IST1: variants seen among roughly 807,000 people sequenced by gnomAD.
IST1 encodes IST1 homolog.
IST1 carries 23 observed loss-of-function variants against 37.0 expected under a neutral mutation model. The observed-to-expected ratio is 0.62, with a 90% CI of 0.45 to 0.88. IST1 has a LOEUF of 0.88. Ranked by LOEUF, IST1 falls within the 40% of genes least tolerant of loss-of-function variation. The pLI is 0.00. For synonymous variants in IST1, 180 were observed against 161.7 expected (o/e 1.11, Z -0.86); for missense variants, 488 against 445.4 (o/e 1.10, Z -0.86).
chr16:71,923,408 A>G, intron 8 of IST1, 28 bp downstream of exon 8: 1 of 1,405,998 alleles, frequency 7.1e-7, no homozygotes, highest in Non-Finnish European at 1.0e-6. Flanking sequence ...TTTTATAAGC[A>G]ACAGGAGAGT....
At chr16:71,912,245 A>AT (rs1044918777) in intron 1 of IST1, among the ~76,000 whole-genome samples, 31 of 150,250 alleles carry the variant, frequency 2.1e-4, no homozygotes, top group African/African-American at 5.9e-4. Context: ...CATTATAAAA[A>AT]TTTTTTTTTT....
At position 71,928,095 on chromosome 16, in the gene IST1, A is replaced by G. The variant is rs745491633; in HGVS notation, c.*282A>G. The G allele has an allele frequency of 1.0e-4, 43 of 412,346 alleles. No homozygotes were observed. Among genetic ancestry groups the G allele is most frequent in the Admixed American group, 2.2e-4 (6 of 27,576 alleles). 25.5% of individuals were successfully genotyped at this position (412,346 alleles called of 1,614,324 possible). ...CCCAGGTTTCCTCCTGGCCCGTCCC[A>G]TGGTCCCTCCACAGGAGTGTGAGAG... On this transcript the variant is annotated 3_prime_UTR_variant, in exon 10 of 10. Transcript: ENST00000378799.
chr16:71,929,325 T>C lies in IST1; in HGVS notation c.*1512T>C. The C allele has an allele frequency of 4.5e-6, 2 of 445,644 alleles. No individual in the cohort carries two copies. The highest frequency in any genetic ancestry group is 7.7e-6 in the Non-Finnish European group (2 of 258,298). The allele number at this position is 445,644 out of a possible 1,614,324, so 27.6% of individuals were successfully genotyped here. On this transcript the variant is annotated 3_prime_UTR_variant, in exon 10 of 10. Coordinates refer to ENST00000378799, the MANE Select transcript of IST1 (RefSeq NM_001270975.2). ...ATGGGTGGTGAGTTCTGTTACTTGCTGCTTGGCAGCAGAGCTAGTTTGTCT... is the reference window on the plus strand; with the variant it reads ...ATGGGTGGTGAGTTCTGTTACTTGCCGCTTGGCAGCAGAGCTAGTTTGTCT...
At chr16:71,899,510 C>T (rs1165861084) in intron 1 of IST1, among the ~76,000 whole-genome samples, 1 of 152,230 alleles carries the variant, frequency 6.6e-6, no homozygotes, top group Non-Finnish European at 1.5e-5. Context: ...TCTAACATCA[C>T]ATCTTCATAA....
intron 1 of IST1, among the ~76,000 whole-genome samples, chr16:71,913,300 A>AT (rs2037399027): frequency 6.6e-6 from 1 of 151,788 alleles, no homozygotes; most frequent in Admixed American, 6.6e-5. Context: ...GATAGTAGCC[A>AT]TCCTAATGGG....
At chr16:71,911,337 G>A (rs2037348996) in intron 1 of IST1, among the ~76,000 whole-genome samples, 2 of 132,120 alleles carry the variant, frequency 1.5e-5, no homozygotes, top group South Asian at 5.4e-4. Context: ...AAATGTTTTA[G>A]AATGCTACGT....
chr16:71,913,055 T>C (rs1243079877), intron 1 of IST1, among the ~76,000 whole-genome samples: 1 of 152,246 alleles, frequency 6.6e-6, no homozygotes, highest in Non-Finnish European at 1.5e-5. Context: ...ATAATGCTGC[T>C]GGGAACATAG....
Position 71,928,535 on chromosome 16 carries a change from TTC to T in IST1, c.*724_*725del, listed in dbSNP as rs2037808411. 6.6e-6 allele frequency: 1 copy of T among 152,626 alleles called. No homozygotes were observed. The highest frequency in any genetic ancestry group is 1.5e-5 in the Non-Finnish European group (1 of 68,062). 9.5% of individuals were successfully genotyped at this position (152,626 alleles called of 1,614,324 possible). A position where few individuals can be genotyped will look rare whatever the true frequency, so the allele number is the denominator to read the frequency against. On this transcript the variant is annotated 3_prime_UTR_variant, in exon 10 of 10. Coordinates refer to ENST00000378799, the MANE Select transcript of IST1 (RefSeq NM_001270975.2). ...GTACCAGAGGGCGGCACCGTGGAAA[TTC>T]TGTTTTCCCTGTAGCATATTGTGTT...
intron 2 of IST1, among the ~76,000 whole-genome samples, 181 bp from the exon 3 acceptor site, chr16:71,916,281 T>C (rs1416916949): frequency 1.3e-5 from 2 of 152,244 alleles, no homozygotes; most frequent in Non-Finnish European, 2.9e-5. Context: ...ACATGAGCTA[T>C]ATTTTCTCAC....
At chr16:71,921,729 C>A in intron 6 of IST1, 1 of 341,704 alleles carries the variant, frequency 2.9e-6, no homozygotes, top group Non-Finnish European at 5.5e-6. Flanking sequence ...GAGAAACCTC[C>A]TGTTCATAGC....
upstream of IST1, chr16:71,895,079 A>G: frequency 2.4e-6 from 1 of 411,536 alleles, no homozygotes; most frequent in Non-Finnish European, 4.4e-6. Context: ...AGGCTTCGAA[A>G]CCCCCTCGGC....
At chr16:71,912,422 G>T (rs893818430) in intron 1 of IST1, among the ~76,000 whole-genome samples, 1 of 151,970 alleles carries the variant, frequency 6.6e-6, no homozygotes, top group African/African-American at 2.4e-5. Context: ...TATTTTTAGT[G>T]GAGACGGGGT....
chr16:71,924,911 C>T (rs2037702034), intron 9 of IST1, 94 bp downstream of exon 9: 1 of 851,642 alleles, frequency 1.2e-6, no homozygotes, highest in Non-Finnish European at 2.0e-6. Flanking sequence ...GTTTCCATGT[C>T]CATGGACTTC....
At chr16:71,898,662 T>TAA (rs60932200) in intron 1 of IST1, among the ~76,000 whole-genome samples, 5 of 130,924 alleles carry the variant, frequency 3.8e-5, no homozygotes, top group Non-Finnish European at 6.5e-5. Flanking sequence ...GACTCTGTCT[T>TAA]AAAAAAAAAA....
intron 1 of IST1, among the ~76,000 whole-genome samples, chr16:71,910,119 C>A (rs2142550780): frequency 6.6e-6 from 1 of 152,222 alleles, no homozygotes; most frequent in African/African-American, 2.4e-5. Context: ...CTACTTTGGT[C>A]AAGTGTGGTC....
In IST1 at chr16:71,927,975, C is replaced by T. The variant is rs1294231891; in HGVS notation, c.*162C>T. ...TGCTCCTCCAGATTCTGCTGCTTTC[C>T]AGTTCTCTGTTGATCCTGAGACTAA... On this transcript the variant is annotated 3_prime_UTR_variant, in exon 10 of 10. Coordinates refer to ENST00000378799, the MANE Select transcript of IST1 (RefSeq NM_001270975.2). The T allele has an allele frequency of 4.9e-6, 3 of 612,074 alleles. No homozygotes were observed. Among genetic ancestry groups the T allele is most frequent in the South Asian group, 3.8e-5 (2 of 52,394 alleles). The allele number at this position is 612,074 out of a possible 1,614,324, so 37.9% of individuals were successfully genotyped here.
Position 71,916,446 on chromosome 16 carries a change from G to T in IST1, c.89-16G>T. On this transcript the variant is annotated splice_polypyrimidine_tract_variant and intron_variant, in intron 2 of 9. Coordinates refer to ENST00000378799, the MANE Select transcript of IST1 (RefSeq NM_001270975.2). ...TGCTCTACTGCTGTGAGATCGGAGT[G>T]GGATTTGTGTCTTAGCGGAACTGGC... The T allele has an allele frequency of 6.2e-7, 1 of 1,611,062 alleles. No homozygotes were observed. The highest frequency in any genetic ancestry group is 1.1e-5 in the South Asian group (1 of 90,816).
At chr16:71,897,450 C>G (rs1201177775) in intron 1 of IST1, among the ~76,000 whole-genome samples, 1 of 152,120 alleles carries the variant, frequency 6.6e-6, no homozygotes, top group East Asian at 1.9e-4. Context: ...ATCTCCATCT[C>G]TAGTTTGTTT....
At chr16:71,922,182 T>C (rs1330921547) in intron 6 of IST1, among the ~76,000 whole-genome samples, 1 of 151,608 alleles carries the variant, frequency 6.6e-6, no homozygotes, top group Non-Finnish European at 1.5e-5. Flanking sequence ...TGGGGTGTGG[T>C]GGATGCTTTG....
Sources: allele counts gnomAD v4.1 joint callset (sites outside exome capture counted in the v4.1 genomes callset), GRCh38; gene constraint gnomAD v4.1.1; transcripts MANE v1.5; gene names NCBI Gene and HGNC (gene_info 2026-07-23, HGNC 2026-07-21).